RAPGEF2: variants seen among roughly 807,000 people sequenced by gnomAD.
The protein encoded by RAPGEF2 is Rap guanine nucleotide exchange factor 2, also known as PDZ domain containing guanine nucleotide exchange factor (GEF) 1.
Under a neutral mutation model 186.7 loss-of-function variants are expected in RAPGEF2, and 54 were observed. The observed-to-expected ratio is 0.29, with a 90% CI of 0.23 to 0.36. The LOEUF is 0.36. RAPGEF2 is among the 10% of genes least tolerant of loss of function. The probability of loss-of-function intolerance (pLI) is 1.00; values close to 1 mark genes in which losing one functional copy is unlikely to be tolerated. For synonymous variants in RAPGEF2, 712 were observed against 705.9 expected (o/e 1.01, Z -0.14); for missense variants, 1,532 against 2,045.0 (o/e 0.75, Z 4.84).
intron 17 of RAPGEF2, among the ~76,000 whole-genome samples, chr4:159,333,814 C>T (rs1031178251): frequency 6.6e-6 from 1 of 152,170 alleles, no homozygotes; most frequent in Non-Finnish European, 1.5e-5. Flanking sequence ...CATATAATTT[C>T]GTGCTTTGAT....
At chr4:159,314,870 A>C in intron 9 of RAPGEF2, 102 bp downstream of exon 9, 1 of 1,060,324 alleles carries the variant, frequency 9.4e-7, no homozygotes, top group Non-Finnish European at 1.3e-6. Flanking sequence ...TTAAAAACTC[A>C]TTAATTTATT....
At chr4:159,319,951 T>G (rs1029704688) in intron 9 of RAPGEF2, among the ~76,000 whole-genome samples, 2 of 152,240 alleles carry the variant, frequency 1.3e-5, no homozygotes, top group African/African-American at 4.8e-5. Flanking sequence ...TGATCATGTA[T>G]GTGGTAATTA....
In RAPGEF2 at chr4:159,356,046, T is replaced by A; in HGVS notation, c.4845T>A (p.His1615Gln). The A allele has an allele frequency of 6.2e-7, 1 of 1,614,132 alleles. No homozygotes were observed. The highest frequency in any genetic ancestry group is 8.5e-7 in the Non-Finnish European group (1 of 1,180,030). Residue 1615 changes from histidine to glutamine, a missense_variant, in exon 29 of 30, where the codon CAT (histidine) becomes CAA (glutamine). His to Gln is a conservative substitution (Grantham distance 24, BLOSUM62 0). Around this residue, in one of 4 missense-constraint regions of RAPGEF2, gnomAD observed 594 missense variants for 608.5 expected, o/e 0.98. Coordinates refer to ENST00000691494, the MANE Select transcript of RAPGEF2 (RefSeq NM_001394067.2). ...GGCCTTCATCCGTACAGCAGCCACA[T>A]GGGCATCCCACCAGCAGCAGGCCTG... ...TAGPSSVQQP[H>Q]GHPTSSRPVN...
intron 17 of RAPGEF2, among the ~76,000 whole-genome samples, chr4:159,333,871 A>C (rs1191296366): frequency 1.3e-5 from 2 of 152,256 alleles, no homozygotes; most frequent in East Asian, 3.8e-4. Context: ...GGACTATATC[A>C]AACACTTCTT....
chr4:159,309,836 A>T (rs952561237), intron 8 of RAPGEF2, among the ~76,000 whole-genome samples: 3 of 152,208 alleles, frequency 2.0e-5, no homozygotes, highest in Non-Finnish European at 4.4e-5. Context: ...TAAGGATGTA[A>T]TATGTAATAG....
At chr4:159,350,483 T>TA (rs1262420880) in intron 26 of RAPGEF2, among the ~76,000 whole-genome samples, 194 bp downstream of exon 26, 2 of 152,156 alleles carry the variant, frequency 1.3e-5, no homozygotes, top group Non-Finnish European at 2.9e-5. Context: ...ATGTTATACT[T>TA]ACAATAAATA....
intron 1 of RAPGEF2, among the ~76,000 whole-genome samples, chr4:159,135,243 A>C (rs1741594535): frequency 6.6e-6 from 1 of 151,892 alleles, no homozygotes; most frequent in Non-Finnish European, 1.5e-5. Flanking sequence ...ATGGTGTTTC[A>C]CCATGTTGCC....
intron 1 of RAPGEF2, among the ~76,000 whole-genome samples, chr4:159,137,187 A>G (rs953074229): frequency 6.6e-6 from 1 of 152,250 alleles, no homozygotes; most frequent in Non-Finnish European, 1.5e-5. Context: ...ACCAAATACC[A>G]TAGACAGGGT....
At chr4:159,182,009 C>T (rs1280009984) in intron 1 of RAPGEF2, among the ~76,000 whole-genome samples, 1 of 152,020 alleles carries the variant, frequency 6.6e-6, no homozygotes, top group African/African-American at 2.4e-5. Flanking sequence ...ATGATTGGAG[C>T]CTGATTGCTT....
At chr4:159,206,057 G>C (rs891375226) in intron 3 of RAPGEF2, among the ~76,000 whole-genome samples, 14 of 152,012 alleles carry the variant, frequency 9.2e-5, no homozygotes, top group African/African-American at 3.4e-4. Context: ...AGCCTCCCGA[G>C]TAGCTGGGAC....
intron 3 of RAPGEF2, among the ~76,000 whole-genome samples, chr4:159,201,764 C>T (rs959145915): frequency 7.9e-5 from 12 of 152,098 alleles, no homozygotes; most frequent in East Asian, 3.9e-4. Flanking sequence ...TTGGTGAGAC[C>T]GCAGATACAG....
At chr4:159,192,720 T>TA (rs1256477644) in intron 2 of RAPGEF2, among the ~76,000 whole-genome samples, 1 of 152,218 alleles carries the variant, frequency 6.6e-6, no homozygotes, top group Non-Finnish European at 1.5e-5. Context: ...TCAGTGGTCA[T>TA]AAAAATATCA....
At chr4:159,333,764 T>C (rs1767010766) in intron 17 of RAPGEF2, among the ~76,000 whole-genome samples, 1 of 152,252 alleles carries the variant, frequency 6.6e-6, no homozygotes, top group South Asian at 2.1e-4. Context: ...CATTTAGTTA[T>C]ATAGTCCCCA....
chr4:159,139,733 TGTTA>T (rs1308740371), intron 1 of RAPGEF2, among the ~76,000 whole-genome samples: 1 of 152,198 alleles, frequency 6.6e-6, no homozygotes, highest in Non-Finnish European at 1.5e-5. Flanking sequence ...CATTGTTCAG[TGTTA>T]GTAAGTGGAC....
intron 4 of RAPGEF2, among the ~76,000 whole-genome samples, chr4:159,231,359 A>G (rs1752623794): frequency 6.6e-6 from 1 of 152,102 alleles, no homozygotes; most frequent in African/African-American, 2.4e-5. Flanking sequence ...GTTAATATAT[A>G]TTATTACTCA....
intron 7 of RAPGEF2, among the ~76,000 whole-genome samples, chr4:159,294,631 ATTTCTTCCTTCCTTCCTTCC>A (rs1307416409): frequency 1.2e-5 from 1 of 85,594 alleles, no homozygotes; most frequent in Non-Finnish European, 2.8e-5. Flanking sequence ...TTGAGCTTCC[ATTTCTTCCTTCCTTCCTTCC>A]TTCCTTCCTT....
At chr4:159,315,557 C>T (rs1477529663) in intron 9 of RAPGEF2, among the ~76,000 whole-genome samples, 2 of 152,172 alleles carry the variant, frequency 1.3e-5, no homozygotes, top group Non-Finnish European at 2.9e-5. Flanking sequence ...CACCAAGTTG[C>T]GGAAACCGGT....
chr4:159,332,890 T>C, intron 17 of RAPGEF2, 193 bp downstream of exon 17: 1 of 499,218 alleles, frequency 2.0e-6, no homozygotes, highest in Non-Finnish European at 3.3e-6. Context: ...CTACTCCCAA[T>C]CTTCTTTAAA....
intron 4 of RAPGEF2, among the ~76,000 whole-genome samples, chr4:159,223,448 C>T (rs1285535484): frequency 1.3e-5 from 2 of 152,122 alleles, no homozygotes; most frequent in East Asian, 1.9e-4. Context: ...CTTAAGATAA[C>T]TTTGCTATTA....
Sources: allele counts gnomAD v4.1 joint callset (sites outside exome capture counted in the v4.1 genomes callset), GRCh38; gene constraint gnomAD v4.1.1; regional missense constraint gnomAD v4.1.1; transcripts MANE v1.5; gene names NCBI Gene and HGNC (gene_info 2026-07-23, HGNC 2026-07-21).